DHRS7B: variants seen among roughly 807,000 people sequenced by gnomAD.
DHRS7B encodes dehydrogenase/reductase 7B.
Under a neutral mutation model 26.4 loss-of-function variants are expected in DHRS7B, and 24 were observed. The observed-to-expected ratio is 0.91, with a 90% CI of 0.66 to 1.28. The LOEUF (loss-of-function observed/expected upper bound fraction) is 1.28, where lower values mean the gene tolerates loss of function less well. Among genes scored for constraint, DHRS7B ranks in the 50% most tolerant of loss-of-function variants. The pLI, the probability that DHRS7B is intolerant of heterozygous loss-of-function variation, is 0.00. For missense variants in DHRS7B, 368 were observed against 419.4 expected, an observed-to-expected ratio of 0.88 and a Z score of 1.07; for synonymous variants, 142 against 166.4, an observed-to-expected ratio of 0.85 and a Z score of 1.13.
chr17:21,129,570 T>C (rs1406437135), intron 1 of DHRS7B, among the ~76,000 whole-genome samples: 2 of 151,298 alleles, frequency 1.3e-5, no homozygotes, highest in Non-Finnish European at 2.9e-5. Context: ...CTAGGCGTGC[T>C]GGTGTGTACC....
At chr17:21,189,026 A>G (rs1974716658) in intron 6 of DHRS7B, among the ~76,000 whole-genome samples, 163 bp downstream of exon 6, 1 of 152,206 alleles carries the variant, frequency 6.6e-6, no homozygotes, top group Non-Finnish European at 1.5e-5. Flanking sequence ...GGACTATTGA[A>G]TAATCTTCTT....
intron 1 of DHRS7B, chr17:21,128,873 T>TA (rs58855834): frequency 0.067 from 7,609 of 112,764 alleles, 699 homozygotes; most frequent in African/African-American, 0.22. Context: ...GACTCCGTCT[T>TA]AAAAAAAAAA....
chr17:21,160,477 C>T (rs1018449706), intron 1 of DHRS7B, among the ~76,000 whole-genome samples: 1 of 152,104 alleles, frequency 6.6e-6, no homozygotes, highest in Admixed American at 6.6e-5. Flanking sequence ...TGAAAAGATG[C>T]TCTGCATCAT....
chr17:21,130,529 G>A (rs1248238282), intron 1 of DHRS7B, among the ~76,000 whole-genome samples: 1 of 152,138 alleles, frequency 6.6e-6, no homozygotes, highest in African/African-American at 2.4e-5. Flanking sequence ...GCTAGGGGTA[G>A]TTTATTTAGC....
In DHRS7B at chr17:21,191,305, G is replaced by C. The variant is rs1974776198; in HGVS notation, c.*152G>C. ...CACATCTCGTGCAGATCTGCTGGCA[G>C]AGGACAATCAAAAACGACAACAAGC... On this transcript the variant is annotated 3_prime_UTR_variant, in exon 7 of 7. Coordinates refer to ENST00000395511, the MANE Select transcript of DHRS7B (RefSeq NM_015510.5). 1.3e-6 allele frequency: 1 copy of C among 776,030 alleles called. No homozygotes were observed. The highest frequency in any genetic ancestry group is 2.0e-6 in the Non-Finnish European group (1 of 491,102). The allele number at this position is 776,030 out of a possible 1,614,324, so 48.1% of individuals were successfully genotyped here.
intron 1 of DHRS7B, among the ~76,000 whole-genome samples, chr17:21,136,515 GAAAAA>G (rs978354552): frequency 6.8e-6 from 1 of 146,308 alleles, no homozygotes; most frequent in Non-Finnish European, 1.5e-5. Context: ...CGTCTCAAAA[GAAAAA>G]AAAAAGAAAA....
At chr17:21,166,607 T>G (rs1332601185) in intron 1 of DHRS7B, 1 of 344,512 alleles carries the variant, frequency 2.9e-6, no homozygotes, top group African/African-American at 2.2e-5. Flanking sequence ...TTCAGATATA[T>G]TTCAAGATAT....
At chr17:21,188,231 C>T (rs141342526) in intron 5 of DHRS7B, among the ~76,000 whole-genome samples, 79 of 152,228 alleles carry the variant, frequency 5.2e-4, no homozygotes, top group Non-Finnish European at 1.1e-3. Context: ...ATGCAGATTC[C>T]CTGTTAACCT....
At chr17:21,180,229 C>T (rs1974487229) in intron 3 of DHRS7B, among the ~76,000 whole-genome samples, 1 of 152,076 alleles carries the variant, frequency 6.6e-6, no homozygotes, top group Admixed American at 6.6e-5. Context: ...CACGCACCAC[C>T]ACACCTAGCT....
intron 1 of DHRS7B, among the ~76,000 whole-genome samples, chr17:21,170,444 C>T (rs942165683): frequency 2.0e-5 from 3 of 152,184 alleles, no homozygotes; most frequent in Admixed American, 1.3e-4. Context: ...CTTTAGATAC[C>T]ACCTTAATCC....
chr17:21,180,719 C>A (rs977104468), intron 3 of DHRS7B, among the ~76,000 whole-genome samples: 1 of 152,162 alleles, frequency 6.6e-6, no homozygotes, highest in Non-Finnish European at 1.5e-5. Flanking sequence ...AGGACCCATA[C>A]TGTTTTAATT....
intron 6 of DHRS7B, 118 bp downstream of exon 6, chr17:21,188,981 G>A: frequency 7.2e-7 from 1 of 1,392,604 alleles, no homozygotes; most frequent in Admixed American, 2.1e-5. Flanking sequence ...CTTTTAAAGT[G>A]AAAAAAACTT....
At chr17:21,155,868 A>G (rs1424617512) in intron 1 of DHRS7B, among the ~76,000 whole-genome samples, 1 of 152,226 alleles carries the variant, frequency 6.6e-6, no homozygotes, top group Non-Finnish European at 1.5e-5. Context: ...TGAATAACAC[A>G]TGGGTTAAAG....
intron 2 of DHRS7B, among the ~76,000 whole-genome samples, chr17:21,177,232 T>C (rs889715239): frequency 1.3e-5 from 2 of 152,190 alleles, no homozygotes; most frequent in African/African-American, 2.4e-5. Flanking sequence ...CCTGCCCGCG[T>C]GTGAGAGCAC....
chr17:21,149,463 C>T (rs1352233275), intron 1 of DHRS7B, among the ~76,000 whole-genome samples: 2 of 152,158 alleles, frequency 1.3e-5, no homozygotes, highest in East Asian at 3.9e-4. Context: ...ACCCAGAATA[C>T]TCTAATACTG....
chr17:21,189,029 ATCT>A (rs1237447198), intron 6 of DHRS7B, among the ~76,000 whole-genome samples, 166 bp downstream of exon 6: 1 of 152,172 alleles, frequency 6.6e-6, no homozygotes, highest in East Asian at 1.9e-4. Context: ...CTATTGAATA[ATCT>A]TCTTTTACCC....
rs35189205 is a variant in DHRS7B at position 21,164,030 on chromosome 17, C to CTTTTTTTTTTTTTTTTTTT, written c.21-7972_21-7971insTTTTTTTTTTTTTTTTTTT. On this transcript the variant is annotated intron_variant, in intron 1 of 6. Transcript: ENST00000395511. ...AGTGCAGATATTGTCAATTGTTGTG[C>CTTTTTTTTTTTTTTTTTTT]TTTTTTTTTTTTTTTTGAGACAGGG... Among the ~76,000 whole-genome samples, 36 of 96,950 alleles carry CTTTTTTTTTTTTTTTTTTT rather than the reference C, an allele frequency of 3.7e-4. 4 individuals carry two copies. The highest frequency in any genetic ancestry group is 5.1e-4 in the African/African-American group (10 of 19,762). The allele number at this position is 96,950 out of a possible 152,430, so 63.6% of individuals were successfully genotyped here.
chr17:21,174,288 C>G (rs1475568523), intron 2 of DHRS7B, among the ~76,000 whole-genome samples: 3 of 152,206 alleles, frequency 2.0e-5, no homozygotes, highest in African/African-American at 7.2e-5. Flanking sequence ...TATCTTGTCT[C>G]TTGTTTTGTG....
chr17:21,141,690 A>G (rs944734841), intron 1 of DHRS7B, among the ~76,000 whole-genome samples: 1 of 147,154 alleles, frequency 6.8e-6, no homozygotes, highest in Non-Finnish European at 1.5e-5. Flanking sequence ...TTCCATCATT[A>G]TGGAAGCAGG....
Sources: gnomAD v4.1 joint callset for allele counts (sites outside exome capture counted in the v4.1 genomes callset) on GRCh38, gnomAD v4.1.1 for gene constraint, MANE v1.5 for transcripts, NCBI Gene and HGNC (gene_info 2026-07-23, HGNC 2026-07-21) for gene names.